Variants in BIRC3 observed in about 807,000 individuals in gnomAD.
BIRC3 encodes baculoviral IAP repeat-containing protein 3.
BIRC3 carries 26 observed loss-of-function variants against 59.0 expected under a neutral mutation model. That is an observed-to-expected ratio of 0.44 (90% confidence interval 0.32 to 0.61). BIRC3 has a LOEUF of 0.61. Ranked by LOEUF, BIRC3 falls within the 20% of genes least tolerant of loss-of-function variation. The pLI is 0.04. For missense variants in BIRC3, 641 were observed against 711.5 expected (o/e 0.90, Z 1.13); for synonymous variants, 243 against 249.2 (o/e 0.98, Z 0.24).
At chr11:102,330,899 A>T in intron 5 of BIRC3, 100 bp from the exon 6 acceptor site, 1 of 1,241,960 alleles carries the variant, frequency 8.1e-7, no homozygotes, top group Non-Finnish European at 1.1e-6. Flanking sequence ...TTACATTTTT[A>T]ATATTATAAA....
intron 6 of BIRC3, among the ~76,000 whole-genome samples, chr11:102,335,656 A>G (rs1487845073): frequency 6.6e-6 from 1 of 152,010 alleles, no homozygotes; most frequent in Non-Finnish European, 1.5e-5. Flanking sequence ...TATTATTATT[A>G]TATTTTTTTA....
At chr11:102,327,947 A>T in intron 3 of BIRC3, 105 bp from the exon 4 acceptor site, 1 of 800,340 alleles carries the variant, frequency 1.2e-6, no homozygotes, top group Non-Finnish European at 2.0e-6. Flanking sequence ...GCAAACAACC[A>T]GATTTGAAAT....
chr11:102,325,393 A>G (rs752234674), intron 2 of BIRC3, 31 bp downstream of exon 2: 1 of 1,582,070 alleles, frequency 6.3e-7, no homozygotes, highest in Non-Finnish European at 8.6e-7. Flanking sequence ...ATTAAAAAAA[A>G]TATATTTCAT....
rs545431230 is a variant in BIRC3, at chr11:102,329,475, A to ATTTATTG, written c.1081+532_1081+538dup. Among the ~76,000 whole-genome samples, 428 of 152,286 alleles carry ATTTATTG rather than the reference A, an allele frequency of 2.8e-3. 1 individual carries two copies. Among genetic ancestry groups the ATTTATTG allele is most frequent in the African/African-American group, 9.7e-3 (404 of 41,554 alleles). ...TCATGTTCAATTCAATTCAGTATAT[A>ATTTATTG]TTTATTGTATATTGTATATCGCCTG... On this transcript the variant is annotated intron_variant, in intron 5 of 8. Transcript: ENST00000263464.
chr11:102,324,931 C>G lies in BIRC3; in HGVS notation c.422C>G (p.Ser141Cys), dbSNP rs1241060537. The G allele has an allele frequency of 6.2e-7, 1 of 1,614,212 alleles. No homozygotes were observed. The highest frequency in any genetic ancestry group is 1.1e-5 in the South Asian group (1 of 91,088). Residue 141 changes from serine (S) to cysteine (C), a missense_variant, in exon 2 of 9, where the codon TCT becomes TGT. Transcript: ENST00000263464. The part of the protein sequence containing the change: ...SGYFRGSYSN[S>C]PSNPVNSRAN... Reference sequence around the variant, plus strand: ...TATTTCCGTGGCTCTTATTCAAACTCTCCATCAAATCCTGTAAACTCCAGA... The same window carrying G: ...TATTTCCGTGGCTCTTATTCAAACTGTCCATCAAATCCTGTAAACTCCAGA...
At position 102,336,220 on chromosome 11, in the gene BIRC3, G is replaced by T; in HGVS notation, c.1579G>T (p.Val527Leu). Residue 527 changes from valine to leucine, a missense_variant and splice_region_variant, in exon 7 of 9, where the codon GTG becomes TTG. Around this residue, in one of 4 missense-constraint regions of BIRC3, gnomAD observed 268 missense variants for 255.7 expected, o/e 1.05. Transcript: ENST00000263464. ...AEAVLYEHLF[V>L]QQDIKYIPTE... ...AGCTGTGTTATATGAGCATTTATTT[G>T]GTGAGTGATAGAAAATTATTTTTAA... 6.3e-7 allele frequency: 1 copy of T among 1,575,336 alleles called. No individual in the cohort carries two copies. Among genetic ancestry groups the T allele is most frequent in the South Asian group, 1.2e-5 (1 of 84,788 alleles).
Position 102,325,001 on chromosome 11 carries a change from T to C in BIRC3, c.492T>C (p.Cys164=). The change falls in exon 2 of 9, where the codon TGT becomes TGC. Residue 164 remains cysteine (C), a synonymous_variant. Coordinates refer to ENST00000263464, the MANE Select transcript of BIRC3 (RefSeq NM_001165.5). Reference sequence around the variant, plus strand: ...CCTTGATGAGAAGTTCCTACCACTGTGCAATGAATAACGAAAATGCCAGAT... The same window carrying C: ...CCTTGATGAGAAGTTCCTACCACTGCGCAATGAATAACGAAAATGCCAGAT... ...FSALMRSSYH[C]AMNNENARLL... is the part of the protein sequence containing the mutation. 6.2e-7 allele frequency: 1 copy of C among 1,614,210 alleles called. No individual in the cohort carries two copies. The highest frequency in any genetic ancestry group is 8.5e-7 in the Non-Finnish European group (1 of 1,180,034).
At position 102,323,510 on chromosome 11, in the gene BIRC3, A is replaced by G; in HGVS notation, c.-1000A>G. On this transcript the variant is annotated 5_prime_UTR_variant, in exon 2 of 9. Transcript: ENST00000263464. Reference sequence around the variant, plus strand: ...AAAAGACCAAATGAACAAACACATTAATCTCTGATTATTTATTTTAAATAG... The same window carrying G: ...AAAAGACCAAATGAACAAACACATTGATCTCTGATTATTTATTTTAAATAG... The G allele has an allele frequency of 5.3e-6, 1 of 187,210 alleles. No homozygotes were observed. The highest frequency in any genetic ancestry group is 1.1e-5 in the Non-Finnish European group (1 of 88,614). 11.6% of individuals were successfully genotyped at this position (187,210 alleles called of 1,614,324 possible).
In BIRC3 at chr11:102,325,801, T is replaced by A. The variant is rs143088442; in HGVS notation, c.953+236T>A. ...TTAAAGAAATATATATATATTTAAA[T>A]AATACATGCTCATTATAAAAACAAA... On this transcript the variant is annotated intron_variant, in intron 3 of 8. Coordinates refer to ENST00000263464, the MANE Select transcript of BIRC3 (RefSeq NM_001165.5). 2.8e-3 allele frequency among the ~76,000 whole-genome samples: 423 copies of A among 152,032 alleles called. 1 individual carries two copies. The highest frequency in any genetic ancestry group is 9.6e-3 in the African/African-American group (399 of 41,546).
At chr11:102,332,523 T>G (rs992970301) in intron 6 of BIRC3, among the ~76,000 whole-genome samples, 1 of 152,174 alleles carries the variant, frequency 6.6e-6, no homozygotes, top group African/African-American at 2.4e-5. Flanking sequence ...AATAATGTTT[T>G]CCTTTATCAA....
At chr11:102,335,766 G>A (rs1037387073) in intron 6 of BIRC3, among the ~76,000 whole-genome samples, 200 bp from the exon 7 acceptor site, 5 of 152,018 alleles carry the variant, frequency 3.3e-5, no homozygotes, top group Admixed American at 2.6e-4. Flanking sequence ...ACAGGCATGT[G>A]CCACTGCACC....
In BIRC3 at chr11:102,324,929, C is replaced by T. The variant is rs760356442; in HGVS notation, c.420C>T (p.Asn140=). 3.1e-6 allele frequency: 5 copies of T among 1,614,108 alleles called. No individual in the cohort carries two copies. Among genetic ancestry groups the T allele is most frequent in the East Asian group, 2.2e-5 (1 of 44,906 alleles). The change falls in exon 2 of 9, where the codon AAC becomes AAT. Residue 140 remains asparagine (N), a synonymous_variant. Coordinates refer to ENST00000263464, the MANE Select transcript of BIRC3 (RefSeq NM_001165.5). The part of the protein sequence containing the change: ...NSGYFRGSYS[N]SPSNPVNSRA... ...GATATTTCCGTGGCTCTTATTCAAA[C>T]TCTCCATCAAATCCTGTAAACTCCA...
chr11:102,330,911 C>G, intron 5 of BIRC3, 88 bp from the exon 6 acceptor site: 1 of 1,330,372 alleles, frequency 7.5e-7, no homozygotes, highest in Non-Finnish European at 1.0e-6. Flanking sequence ...TATTATAAAA[C>G]CTTTCAATTT....
At chr11:102,325,410 C>T (rs1951072386) in intron 2 of BIRC3, 48 bp downstream of exon 2, 1 of 1,588,400 alleles carries the variant, frequency 6.3e-7, no homozygotes, top group African/African-American at 1.4e-5. Flanking sequence ...TCATTTTATA[C>T]ATTTTAGTGG....
At chr11:102,320,081 C>T (rs1951015339) in intron 1 of BIRC3, 1 of 152,016 alleles carries the variant, frequency 6.6e-6, no homozygotes, top group Non-Finnish European at 1.5e-5. Context: ...GTTGGCCAGC[C>T]TGGTCTCGAA....
At position 102,324,112 on chromosome 11, in the gene BIRC3, C is replaced by A. The variant is rs1951058514; in HGVS notation, c.-398C>A. The A allele has an allele frequency of 9.0e-6, 2 of 223,402 alleles. No individual in the cohort carries two copies. Among genetic ancestry groups the A allele is most frequent in the East Asian group, 6.7e-5 (1 of 14,998 alleles). The allele number at this position is 223,402 out of a possible 1,614,324, so 13.8% of individuals were successfully genotyped here. On this transcript the variant is annotated 5_prime_UTR_variant, in exon 2 of 9. Coordinates refer to ENST00000263464, the MANE Select transcript of BIRC3 (RefSeq NM_001165.5). ...AAGCTTCATGAGTCACACATTACAT[C>A]TTTGGGTTGATTGAATGCCACTGAA...
intron 7 of BIRC3, 93 bp from the exon 8 acceptor site, chr11:102,336,667 G>T: frequency 2.6e-6 from 3 of 1,162,264 alleles, no homozygotes; most frequent in Non-Finnish European, 1.2e-6. Context: ...TGAGTATTTG[G>T]CTATAGTCTA....
At position 102,323,972 on chromosome 11, in the gene BIRC3, C is replaced by G. The variant is rs1215405333; in HGVS notation, c.-538C>G. The G allele has an allele frequency of 2.9e-5, 6 of 205,806 alleles. No individual in the cohort carries two copies. The highest frequency in any genetic ancestry group is 5.9e-5 in the Non-Finnish European group (6 of 100,894). The allele number at this position is 205,806 out of a possible 1,614,324, so 12.7% of individuals were successfully genotyped here. A position where few individuals can be genotyped will look rare whatever the true frequency, so the allele number is the denominator to read the frequency against. On this transcript the variant is annotated 5_prime_UTR_variant, in exon 2 of 9. Coordinates refer to ENST00000263464, the MANE Select transcript of BIRC3 (RefSeq NM_001165.5). ...ATTATTTTCCTCCTTTGAGTTAGGT[C>G]TTGTGCTTTTTTTTCCTGGCCACTA...
chr11:102,330,860 C>G, intron 5 of BIRC3, 139 bp from the exon 6 acceptor site: 2 of 826,518 alleles, frequency 2.4e-6, no homozygotes, highest in Non-Finnish European at 3.6e-6. Flanking sequence ...AATGTTCATA[C>G]AAAATAATGC....
Sources: allele counts gnomAD v4.1 joint callset (sites outside exome capture counted in the v4.1 genomes callset), GRCh38; gene constraint gnomAD v4.1.1; regional missense constraint gnomAD v4.1.1; transcripts MANE v1.5; gene names NCBI Gene and HGNC (gene_info 2026-07-23, HGNC 2026-07-21).